Variants in GSG1L observed in about 807,000 individuals in gnomAD.
GSG1L encodes the protein germ cell-specific gene 1-like protein.
In GSG1L, 24 loss-of-function variants were observed where a neutral mutation model predicts 42.1. That is an observed-to-expected ratio of 0.57 (90% CI 0.41 to 0.80). The LOEUF (loss-of-function observed/expected upper bound fraction) is 0.80, where lower values mean the gene tolerates loss of function less well. Ranked by LOEUF, GSG1L falls within the 30% of genes least tolerant of loss-of-function variation. The pLI is 0.00. For missense variants in GSG1L, 445 were observed against 472.2 expected (o/e 0.94, Z 0.53); for synonymous variants, 215 against 203.5 (o/e 1.06, Z -0.48).
At chr16:27,920,812 G>C (rs1265203083) in intron 2 of GSG1L, among the ~76,000 whole-genome samples, 2 of 152,204 alleles carry the variant, frequency 1.3e-5, no homozygotes, top group Non-Finnish European at 2.9e-5. Flanking sequence ...GGCGTGTCCA[G>C]ACAGGGCTGA....
chr16:27,938,670 A>G (rs11860952), intron 2 of GSG1L, among the ~76,000 whole-genome samples: 60,255 of 151,990 alleles, frequency 0.4, 12,423 homozygotes, highest in Non-Finnish European at 0.45. Context: ...CTCTAGGAAG[A>G]GCAGAAAAGA....
intron 2 of GSG1L, among the ~76,000 whole-genome samples, chr16:27,937,326 T>G (rs1178955894): frequency 6.7e-6 from 1 of 149,686 alleles, no homozygotes; most frequent in Non-Finnish European, 1.5e-5. Flanking sequence ...CAACCCAACC[T>G]CCATCTCCAG....
intron 2 of GSG1L, among the ~76,000 whole-genome samples, chr16:27,893,472 C>T (rs557026766): frequency 9.1e-4 from 138 of 152,278 alleles, no homozygotes; most frequent in Non-Finnish European, 1.5e-3. Flanking sequence ...GTAAATGAGA[C>T]AATACCTGTA....
At chr16:27,974,111 G>C (rs1390906929) in intron 1 of GSG1L, among the ~76,000 whole-genome samples, 1 of 152,142 alleles carries the variant, frequency 6.6e-6, no homozygotes, top group Non-Finnish European at 1.5e-5. Context: ...AAGGCCCCTT[G>C]TATTCCCAGA....
In GSG1L at chr16:27,833,158, A is replaced by T. The variant is rs547755006; in HGVS notation, c.663-4202T>A. On this transcript the variant is annotated intron_variant, in intron 4 of 6. Coordinates refer to ENST00000447459, the MANE Select transcript of GSG1L (RefSeq NM_001109763.2). ...TGGTGTGCAGTTTAAAGTAAGGCTG[A>T]TTGTTTATTTTTGCCAGTGAATGTC... Among the ~76,000 whole-genome samples, 824 of 152,240 alleles carry T rather than the reference A, an allele frequency of 5.4e-3. 7 individuals carry two copies. The highest frequency in any genetic ancestry group is 0.019 in the African/African-American group (796 of 41,524).
intron 1 of GSG1L, among the ~76,000 whole-genome samples, chr16:27,990,864 T>G (rs1438808640): frequency 6.6e-6 from 1 of 152,198 alleles, no homozygotes; most frequent in Non-Finnish European, 1.5e-5. Context: ...CTGGGTCAAA[T>G]GGTATGTAAC....
intron 2 of GSG1L, among the ~76,000 whole-genome samples, chr16:27,943,566 C>CTTTTTT (rs11385465): frequency 5.9e-5 from 4 of 67,720 alleles, no homozygotes; most frequent in Admixed American, 2.4e-4. Flanking sequence ...TTCTTTGTTT[C>CTTTTTT]TTTTTTTTTT....
intron 3 of GSG1L, among the ~76,000 whole-genome samples, chr16:27,868,538 A>G (rs938363750): frequency 6.6e-6 from 1 of 152,072 alleles, no homozygotes; most frequent in Non-Finnish European, 1.5e-5. Flanking sequence ...TCCAGCTACC[A>G]TCTAAAACTG....
intron 2 of GSG1L, chr16:27,887,988 T>A: frequency 1.7e-6 from 1 of 596,422 alleles, no homozygotes; most frequent in Non-Finnish European, 2.1e-6. Flanking sequence ...AAGCAGGAAA[T>A]TCAGAGAGCG....
At chr16:27,863,745 C>T (rs570564981) in intron 3 of GSG1L, among the ~76,000 whole-genome samples, 6 of 152,290 alleles carry the variant, frequency 3.9e-5, no homozygotes, top group Admixed American at 2.6e-4. Context: ...TTATACTGGG[C>T]CAGGAGAAAG....
intron 1 of GSG1L, among the ~76,000 whole-genome samples, chr16:28,050,183 CT>C (rs11296654): frequency 9.0e-4 from 133 of 147,068 alleles, no homozygotes; most frequent in Middle Eastern, 3.6e-3. Flanking sequence ...GAGAGCAAAT[CT>C]TTTTTTTTTT....
intron 3 of GSG1L, among the ~76,000 whole-genome samples, chr16:27,879,797 T>A (rs1299507890): frequency 6.6e-6 from 1 of 151,472 alleles, no homozygotes; most frequent in African/African-American, 2.4e-5. Context: ...TTATTATTTT[T>A]ATTGTATTAT....
chr16:27,920,660 C>A (rs111682912), intron 2 of GSG1L, among the ~76,000 whole-genome samples: 1 of 152,224 alleles, frequency 6.6e-6, no homozygotes, highest in Non-Finnish European at 1.5e-5. Context: ...CTGTTCATCA[C>A]GGCATGCTCC....
intron 5 of GSG1L, among the ~76,000 whole-genome samples, chr16:27,822,739 C>A (rs568506318): frequency 2.8e-4 from 42 of 152,194 alleles, no homozygotes; most frequent in African/African-American, 8.9e-4. Context: ...ATAATTAATA[C>A]CGTAATTGAT....
chr16:28,034,133 C>A (rs2086001163), intron 1 of GSG1L, among the ~76,000 whole-genome samples: 1 of 151,692 alleles, frequency 6.6e-6, no homozygotes, highest in Non-Finnish European at 1.5e-5. Flanking sequence ...CCATCCCATC[C>A]CATCCCAGCC....
chr16:27,986,319 G>C (rs1382170884), intron 1 of GSG1L, among the ~76,000 whole-genome samples: 1 of 152,042 alleles, frequency 6.6e-6, no homozygotes, highest in Non-Finnish European at 1.5e-5. Context: ...GGACAATATG[G>C]GGAAACCCCA....
rs10544246 is a variant in GSG1L, at chr16:27,821,908, G to GTAAATAAA, written c.830+6873_830+6880dup. Among the ~76,000 whole-genome samples, 1,109 of 150,080 alleles carry GTAAATAAA rather than the reference G, an allele frequency of 7.4e-3. 13 individuals are homozygous for GTAAATAAA. Among genetic ancestry groups the GTAAATAAA allele is most frequent in the African/African-American group, 0.025 (1,028 of 40,620 alleles). On this transcript the variant is annotated intron_variant, in intron 5 of 6. Coordinates refer to ENST00000447459, the MANE Select transcript of GSG1L (RefSeq NM_001109763.2). The stretch of plus-strand genomic sequence containing the variant: ...GACTGAGCGAGAGTGTCTCAAAAAA[G>GTAAATAAA]TAAATAAATAAATAAATAAATAAAT...
chr16:27,952,545 T>C (rs1163066475), intron 2 of GSG1L, among the ~76,000 whole-genome samples: 2 of 152,140 alleles, frequency 1.3e-5, no homozygotes, highest in African/African-American at 4.8e-5. Flanking sequence ...AATGGATGTG[T>C]GCAGAGCATC....
chr16:27,865,304 TC>T (rs2083700360), intron 3 of GSG1L, among the ~76,000 whole-genome samples: 1 of 151,850 alleles, frequency 6.6e-6, no homozygotes, highest in Non-Finnish European at 1.5e-5. Context: ...TGACTAAGAA[TC>T]ATCCCCAGGT....
Sources: gnomAD v4.1 joint callset for allele counts (sites outside exome capture counted in the v4.1 genomes callset) on GRCh38, gnomAD v4.1.1 for gene constraint, MANE v1.5 for transcripts, NCBI Gene and HGNC (gene_info 2026-07-23, HGNC 2026-07-21) for gene names.